TENM4: variants seen among roughly 807,000 people sequenced by gnomAD.
TENM4 encodes the protein teneurin-4.
TENM4 carries 82 observed loss-of-function variants against 243.3 expected under a neutral mutation model. That is an observed-to-expected ratio of 0.34 (90% CI 0.28 to 0.40). The LOEUF is 0.40. Ranked by LOEUF, TENM4 falls within the 10% of genes least tolerant of loss-of-function variation. The pLI is 1.00. For missense variants in TENM4, 3,138 were observed against 3,673.3 expected (o/e 0.85, Z 3.77); for synonymous variants, 1,412 against 1,456.3 (o/e 0.97, Z 0.69).
At chr11:79,436,862 G>T (rs111603759) in intron 1 of TENM4, among the ~76,000 whole-genome samples, 3,567 of 152,270 alleles carry the variant, frequency 0.023, 61 homozygotes, top group Non-Finnish European at 0.035. Context: ...CCCCACCACA[G>T]AAGATGGCAA....
chr11:79,352,383 T>C (rs1857428532), intron 1 of TENM4, among the ~76,000 whole-genome samples: 1 of 152,168 alleles, frequency 6.6e-6, no homozygotes, highest in Non-Finnish European at 1.5e-5. Flanking sequence ...CACAGAGGCT[T>C]TGGGTTCCCA....
chr11:79,290,915 CTGTT>C (rs1317437132), intron 2 of TENM4, among the ~76,000 whole-genome samples: 1 of 152,166 alleles, frequency 6.6e-6, no homozygotes, highest in African/African-American at 2.4e-5. Context: ...TCATTTAGAG[CTGTT>C]TGTTTGTAAA....
At chr11:79,088,269 C>T (rs1860862609) in intron 4 of TENM4, among the ~76,000 whole-genome samples, 1 of 152,168 alleles carries the variant, frequency 6.6e-6, no homozygotes, top group Admixed American at 6.5e-5. Context: ...TGCTGGCCGG[C>T]AATGGTCCAG....
chr11:78,724,715 T>C (rs1855475890), intron 23 of TENM4, among the ~76,000 whole-genome samples: 1 of 152,224 alleles, frequency 6.6e-6, no homozygotes, highest in Non-Finnish European at 1.5e-5. Context: ...CAGACCACGA[T>C]CCCTGGCTCC....
chr11:79,320,374 C>G (rs1325367275), intron 1 of TENM4, among the ~76,000 whole-genome samples: 1 of 152,138 alleles, frequency 6.6e-6, no homozygotes, highest in Admixed American at 6.5e-5. Context: ...GAGGGCTGCC[C>G]GGCTTTGGTT....
chr11:78,958,012 C>G (rs1475588856), intron 6 of TENM4, among the ~76,000 whole-genome samples: 1 of 152,172 alleles, frequency 6.6e-6, no homozygotes, highest in Non-Finnish European at 1.5e-5. Context: ...TAGAGTCAAA[C>G]AGGCTTGGGC....
At chr11:79,328,181 T>C (rs909663907) in intron 1 of TENM4, among the ~76,000 whole-genome samples, 2 of 152,230 alleles carry the variant, frequency 1.3e-5, no homozygotes, top group African/African-American at 2.4e-5. Context: ...GTATTTTGCA[T>C]AGACAATCAC....
At chr11:79,334,528 G>A (rs1158906086) in intron 1 of TENM4, among the ~76,000 whole-genome samples, 1 of 152,132 alleles carries the variant, frequency 6.6e-6, no homozygotes, top group East Asian at 1.9e-4. Flanking sequence ...CACTGTCAGG[G>A]TAAAATCCCA....
At chr11:79,127,888 G>A (rs1027017635) in intron 4 of TENM4, among the ~76,000 whole-genome samples, 1 of 152,240 alleles carries the variant, frequency 6.6e-6, no homozygotes, top group Non-Finnish European at 1.5e-5. Flanking sequence ...TGAAGGATAA[G>A]TTGCTGCATT....
chr11:79,026,943 G>A (rs1859095159), intron 6 of TENM4, among the ~76,000 whole-genome samples: 1 of 152,172 alleles, frequency 6.6e-6, no homozygotes, highest in Non-Finnish European at 1.5e-5. Context: ...GAGAGAGAGA[G>A]TTCATGTGAG....
intron 3 of TENM4, among the ~76,000 whole-genome samples, chr11:79,207,578 C>T (rs1048093364): frequency 5.3e-5 from 8 of 152,008 alleles, no homozygotes; most frequent in African/African-American, 1.9e-4. Context: ...AGGGATAATA[C>T]AGGTGGCGGG....
At chr11:79,215,693 G>C in intron 3 of TENM4, 115 bp downstream of exon 3, 1 of 926,602 alleles carries the variant, frequency 1.1e-6, no homozygotes, top group Non-Finnish European at 1.3e-6. Context: ...CTGCCAAGTC[G>C]TAAAAGCCTC....
chr11:78,994,275 T>C (rs1858117830), intron 6 of TENM4, among the ~76,000 whole-genome samples: 1 of 152,208 alleles, frequency 6.6e-6, no homozygotes. Context: ...TTTTCCCCAG[T>C]AGATGTTCTT....
chr11:78,735,516 G>C (rs1407618486), intron 20 of TENM4, among the ~76,000 whole-genome samples: 2 of 152,242 alleles, frequency 1.3e-5, no homozygotes, highest in African/African-American at 2.4e-5. Flanking sequence ...GAGCAAGCAG[G>C]GGGCAGCTGG....
chr11:79,298,780 C>T (rs1036609333), intron 1 of TENM4, among the ~76,000 whole-genome samples: 1 of 152,144 alleles, frequency 6.6e-6, no homozygotes, highest in Non-Finnish European at 1.5e-5. Flanking sequence ...AGGCCTGATG[C>T]TGTAATTTTG....
chr11:79,375,211 C>A (rs1447037855), intron 1 of TENM4, among the ~76,000 whole-genome samples: 1 of 152,276 alleles, frequency 6.6e-6, no homozygotes, highest in Non-Finnish European at 1.5e-5. Context: ...ATTAAAGCTG[C>A]ATTTGAGGAA....
chr11:79,376,416 A>G (rs755893798), intron 1 of TENM4, among the ~76,000 whole-genome samples: 3 of 152,224 alleles, frequency 2.0e-5, no homozygotes, highest in African/African-American at 7.2e-5. Flanking sequence ...CTGCTCTGCT[A>G]AAGTGTCCTT....
intron 6 of TENM4, among the ~76,000 whole-genome samples, chr11:78,917,036 T>C (rs1353050759): frequency 6.6e-6 from 1 of 152,222 alleles, no homozygotes; most frequent in Non-Finnish European, 1.5e-5. Context: ...AAACCCCTCA[T>C]GTATTTTTGT....
chr11:78,707,452 G>A (rs1254819289), intron 27 of TENM4, among the ~76,000 whole-genome samples: 2 of 152,222 alleles, frequency 1.3e-5, no homozygotes, highest in Admixed American at 6.5e-5. Flanking sequence ...TCTTTGGCAT[G>A]GTACAACAGG....
Sources: gnomAD v4.1 joint callset for allele counts (sites outside exome capture counted in the v4.1 genomes callset) on GRCh38, gnomAD v4.1.1 for gene constraint, MANE v1.5 for transcripts, NCBI Gene and HGNC (gene_info 2026-07-23, HGNC 2026-07-21) for gene names.